NRG1: variants seen among roughly 807,000 people sequenced by gnomAD.
NRG1 encodes pro-neuregulin-1, membrane-bound isoform.
NRG1 carries 18 observed loss-of-function variants against 63.8 expected under a neutral mutation model. The observed-to-expected ratio is 0.28, with a 90% CI of 0.19 to 0.42. NRG1 has a LOEUF of 0.42. Among genes scored for constraint, NRG1 ranks in the 10% least tolerant of loss-of-function variants. NRG1 has a pLI of 1.00. For synonymous variants in NRG1, 302 were observed against 301.3 expected, an observed-to-expected ratio of 1.00 and a Z score of -0.02; for missense variants, 762 against 814.7, an observed-to-expected ratio of 0.94 and a Z score of 0.79.
intron 1 of NRG1, among the ~76,000 whole-genome samples, chr8:31,738,425 C>T (rs1814914926): frequency 1.3e-5 from 2 of 152,012 alleles, no homozygotes; most frequent in South Asian, 4.1e-4. Context: ...TGATAAAAAT[C>T]AAGGTATTTA....
intron 1 of NRG1, among the ~76,000 whole-genome samples, chr8:32,337,513 T>A (rs895451706): frequency 2.0e-5 from 3 of 151,938 alleles, no homozygotes; most frequent in Non-Finnish European, 4.4e-5. Flanking sequence ...TTAAAATTCA[T>A]GTGCCTTTGA....
chr8:31,807,948 C>CAT lies in NRG1; in HGVS notation c.37+168517_37+168518insAT, dbSNP rs1491533622. Among the ~76,000 whole-genome samples, 56 of 137,160 alleles carry CAT rather than the reference C, an allele frequency of 4.1e-4. 1 individual carries two copies. Among genetic ancestry groups the CAT allele is most frequent in the African/African-American group, 1.2e-3 (49 of 39,894 alleles). The allele number at this position is 137,160 out of a possible 152,430, so 90.0% of individuals were successfully genotyped here. ...CTTTTTTAAGGCTCAAGAGTATTCG[C>CAT]GTGTGTGTGTGTGTGTGTGTGTGTG... On this transcript the variant is annotated intron_variant, in intron 1 of 10. Transcript: ENST00000519301.
intron 1 of NRG1, among the ~76,000 whole-genome samples, chr8:32,263,306 G>A (rs900254560): frequency 1.3e-5 from 2 of 152,164 alleles, no homozygotes; most frequent in Non-Finnish European, 2.9e-5. Context: ...TACCTAGATG[G>A]CAGGAGGCCC....
intron 1 of NRG1, among the ~76,000 whole-genome samples, chr8:32,456,761 CG>C (rs1821647933): frequency 6.6e-6 from 1 of 152,124 alleles, no homozygotes; most frequent in South Asian, 2.1e-4. Flanking sequence ...CAGATTTTCA[CG>C]GGTGGTTGGA....
chr8:31,727,063 G>C (rs979932856), intron 1 of NRG1, among the ~76,000 whole-genome samples: 1 of 152,118 alleles, frequency 6.6e-6, no homozygotes, highest in Non-Finnish European at 1.5e-5. Context: ...GGACTGGAGG[G>C]TAGGCAAGGA....
chr8:32,115,065 CTG>C (rs979140860), intron 1 of NRG1, among the ~76,000 whole-genome samples: 1 of 151,494 alleles, frequency 6.6e-6, no homozygotes, highest in Non-Finnish European at 1.5e-5. Context: ...GAGTCTTGCT[CTG>C]TTGCCCAGGC....
intron 7 of NRG1, among the ~76,000 whole-genome samples, chr8:32,750,650 G>C (rs1188902846): frequency 6.7e-6 from 1 of 150,028 alleles, no homozygotes; most frequent in Non-Finnish European, 1.5e-5. Context: ...TGCGGGAAAT[G>C]AGGCAGTTGC....
chr8:32,149,031 A>G (rs1837207739), intron 1 of NRG1, among the ~76,000 whole-genome samples: 2 of 152,166 alleles, frequency 1.3e-5, no homozygotes, highest in South Asian at 4.1e-4. Flanking sequence ...TGGGGACATG[A>G]AGCCTGATCA....
rs148184229 is a variant in NRG1, at chr8:32,126,694, T to G, written c.38-469134T>G. The stretch of plus-strand genomic sequence containing the variant: ...CCCAGCCCATGGTGGCACTGATTCT[T>G]GAAGCTGAAGACTTGGAGAAGGAGC... On this transcript the variant is annotated intron_variant, in intron 1 of 10. Coordinates refer to the NRG1 transcript ENST00000519301. 3.9e-5 allele frequency among the ~76,000 whole-genome samples: 6 copies of G among 152,066 alleles called. No individual in the cohort carries two copies. In the East Asian group the frequency reaches 7.8e-4, roughly 20 times the overall value.
At chr8:31,807,443 G>A (rs1822398236) in intron 1 of NRG1, among the ~76,000 whole-genome samples, 1 of 152,070 alleles carries the variant, frequency 6.6e-6, no homozygotes, top group African/African-American at 2.4e-5. Flanking sequence ...TTTATATCCT[G>A]GGGGTATCAC....
chr8:31,874,351 CAT>C (rs1829736946), intron 1 of NRG1, among the ~76,000 whole-genome samples: 2 of 152,182 alleles, frequency 1.3e-5, no homozygotes, highest in South Asian at 4.1e-4. Context: ...GTTTTATATA[CAT>C]GTCTGGATTT....
At position 31,640,043 on chromosome 8, in the gene NRG1, C is replaced by T; in HGVS notation, c.37+612C>T. The stretch of plus-strand genomic sequence containing the variant: ...CGTCCCGGCCCCCGGGCCCAGCGCC[C>T]CGGCTCCGCCGCCCGCTCGTCGCCG... On this transcript the variant is annotated intron_variant, in intron 1 of 10. Coordinates refer to the NRG1 transcript ENST00000519301. This position sits in a 1 kb window ranked among gnomAD's most constrained non-coding sequence, Gnocchi z 6.3. 1 of 1,142,924 alleles carries T rather than the reference C, an allele frequency of 8.7e-7. No homozygotes were observed. The highest frequency in any genetic ancestry group is 4.4e-5 in the East Asian group (1 of 22,688). 70.8% of individuals were successfully genotyped at this position (1,142,924 alleles called of 1,614,324 possible). A position where few individuals can be genotyped will look rare whatever the true frequency, so the allele number is the denominator to read the frequency against.
chr8:31,872,407 C>G (rs1258494858), intron 1 of NRG1, among the ~76,000 whole-genome samples: 1 of 152,128 alleles, frequency 6.6e-6, no homozygotes, highest in Non-Finnish European at 1.5e-5. Flanking sequence ...GAAAGTCTGA[C>G]AATTACTTCC....
chr8:32,010,676 G>C (rs1181099925), intron 1 of NRG1, among the ~76,000 whole-genome samples: 1 of 151,804 alleles, frequency 6.6e-6, no homozygotes, highest in Non-Finnish European at 1.5e-5. Context: ...TTAATTATTT[G>C]GCTCTCCCAG....
At chr8:32,738,408 A>G (rs967378038) in intron 6 of NRG1, among the ~76,000 whole-genome samples, 1 of 145,582 alleles carries the variant, frequency 6.9e-6, no homozygotes, top group African/African-American at 2.5e-5. Context: ...TGATTAATGA[A>G]ACGAATGGTA....
intron 1 of NRG1, among the ~76,000 whole-genome samples, chr8:31,683,055 C>T (rs1808501198): frequency 6.6e-6 from 1 of 152,064 alleles, no homozygotes; most frequent in Admixed American, 6.6e-5. Context: ...ACTAACCCGC[C>T]CTCGGGAGAA....
chr8:32,722,946 C>T (rs1821013366), intron 5 of NRG1, among the ~76,000 whole-genome samples: 1 of 152,094 alleles, frequency 6.6e-6, no homozygotes, highest in South Asian at 2.1e-4. Flanking sequence ...ATTAGGCCAT[C>T]TTTTTTCACA....
chr8:31,887,078 C>G (rs991773909), intron 1 of NRG1, among the ~76,000 whole-genome samples: 3 of 151,978 alleles, frequency 2.0e-5, no homozygotes, highest in Admixed American at 6.6e-5. Context: ...GAAAAGAAAA[C>G]TTAATCAGTG....
chr8:31,709,709 C>G (rs1811546055), intron 1 of NRG1, among the ~76,000 whole-genome samples: 1 of 151,898 alleles, frequency 6.6e-6, no homozygotes. Context: ...AATTACATAT[C>G]TCATCCAGAT....
Sources: allele counts gnomAD v4.1 joint callset (sites outside exome capture counted in the v4.1 genomes callset), GRCh38; gene constraint gnomAD v4.1.1; non-coding constraint Gnocchi (gnomAD v3.1); transcripts MANE v1.5; gene names NCBI Gene and HGNC (gene_info 2026-07-23, HGNC 2026-07-21).